CD200R1: variants seen among roughly 807,000 people sequenced by gnomAD.
CD200R1 encodes the protein CD200 receptor 1.
A neutral mutation model predicts 38.1 loss-of-function variants in CD200R1; 30 were observed. The ratio of observed to expected loss-of-function variants is 0.79; its 90% CI spans 0.59 to 1.07. The LOEUF (loss-of-function observed/expected upper bound fraction) is 1.07, where lower values mean the gene tolerates loss of function less well. Ranked by LOEUF, CD200R1 falls within the 50% of genes least tolerant of loss-of-function variation. The pLI is 0.00. For synonymous variants in CD200R1, 128 were observed against 152.1 expected, an observed-to-expected ratio of 0.84 and a Z score of 1.16; for missense variants, 372 against 415.4, an observed-to-expected ratio of 0.90 and a Z score of 0.91.
chr3:112,938,300 C>T (rs1373027342), intron 2 of CD200R1, among the ~76,000 whole-genome samples: 1 of 151,904 alleles, frequency 6.6e-6, no homozygotes, highest in African/African-American at 2.4e-5. Context: ...TAGTTTTTGC[C>T]CATTCAGTAT....
intron 1 of CD200R1, among the ~76,000 whole-genome samples, chr3:112,973,112 GA>G (rs1392869285): frequency 6.6e-6 from 1 of 152,158 alleles, no homozygotes; most frequent in Non-Finnish European, 1.5e-5. Flanking sequence ...CTTTAAAATT[GA>G]AAATTACAAA....
At chr3:112,926,846 T>G (rs568930973) in intron 5 of CD200R1, among the ~76,000 whole-genome samples, 1 of 151,502 alleles carries the variant, frequency 6.6e-6, no homozygotes, top group African/African-American at 2.4e-5. Flanking sequence ...GATTTCGAAC[T>G]GTTTTTAAGT....
intron 1 of CD200R1, among the ~76,000 whole-genome samples, chr3:112,954,202 T>C (rs1271755342): frequency 1.1e-4 from 17 of 152,150 alleles, no homozygotes; most frequent in Admixed American, 9.8e-4. Context: ...TTCAGGAGTA[T>C]GTTGTTTAAT....
At chr3:112,965,333 T>C (rs1013854520) in intron 1 of CD200R1, among the ~76,000 whole-genome samples, 1 of 151,476 alleles carries the variant, frequency 6.6e-6, no homozygotes, top group Non-Finnish European at 1.5e-5. Context: ...GGTAATGGAG[T>C]CAACAAATGT....
chr3:112,951,741 C>A (rs1038204052), intron 1 of CD200R1, among the ~76,000 whole-genome samples: 1 of 149,318 alleles, frequency 6.7e-6, no homozygotes, highest in Non-Finnish European at 1.5e-5. Context: ...TCTATACTAG[C>A]ACAAACAATT....
chr3:112,963,339 G>T (rs1933070512), intron 1 of CD200R1, among the ~76,000 whole-genome samples: 1 of 152,220 alleles, frequency 6.6e-6, no homozygotes, highest in African/African-American at 2.4e-5. Flanking sequence ...CTCAGAAGAA[G>T]AAAGGAAAAT....
chr3:112,953,845 A>G (rs943493157), intron 1 of CD200R1, among the ~76,000 whole-genome samples: 18 of 151,782 alleles, frequency 1.2e-4, no homozygotes, highest in Non-Finnish European at 2.2e-4. Context: ...TTTTTTCTCA[A>G]TTTATCAGCT....
chr3:112,943,987 T>A (rs1384548519), intron 2 of CD200R1, among the ~76,000 whole-genome samples: 1 of 151,858 alleles, frequency 6.6e-6, no homozygotes, highest in Non-Finnish European at 1.5e-5. Context: ...TTAAATAAAT[T>A]GAATCAATAA....
chr3:112,939,738 G>A (rs190883332), intron 2 of CD200R1, among the ~76,000 whole-genome samples: 1 of 151,282 alleles, frequency 6.6e-6, no homozygotes, highest in African/African-American at 2.4e-5. Flanking sequence ...CAGAATAAAT[G>A]TAATTACTAT....
rs993074318 is a variant in CD200R1 at position 112,928,913 on chromosome 3, C to T, written c.672G>A (p.Lys224=). The part of the protein sequence containing the change: ...EYWSNGTVTV[K]STCHWEVHNV... ...TGTGGACCTCCCAGTGGCATGTACT[C>T]TTAACAGTCACTGTGCCATTGCTCC... Residue 224 remains lysine (K), a synonymous_variant, in exon 5 of 8, where the codon AAG becomes AAA. Coordinates refer to ENST00000308611, the MANE Select transcript of CD200R1 (RefSeq NM_138806.4). 1.2e-6 allele frequency: 2 copies of T among 1,613,970 alleles called. No individual in the cohort carries two copies. The highest frequency in any genetic ancestry group is 2.7e-5 in the African/African-American group (2 of 75,056).
intron 5 of CD200R1, among the ~76,000 whole-genome samples, chr3:112,927,445 G>C (rs1266469402): frequency 6.6e-6 from 1 of 152,112 alleles, no homozygotes; most frequent in Non-Finnish European, 1.5e-5. Context: ...CTAACTAGTT[G>C]ACAAATCCAA....
intron 1 of CD200R1, 91 bp downstream of exon 1, chr3:112,974,700 T>C (rs757922736): frequency 4.4e-5 from 37 of 834,720 alleles, no homozygotes; most frequent in Non-Finnish European, 7.2e-5. Flanking sequence ...TGCAATTGAT[T>C]TGTATTGCCC....
chr3:112,926,866 A>G (rs1940291976), intron 5 of CD200R1, among the ~76,000 whole-genome samples: 1 of 152,106 alleles, frequency 6.6e-6, no homozygotes, highest in Admixed American at 6.6e-5. Context: ...TGAGAAATGA[A>G]TAGAAAACTC....
chr3:112,955,510 ATTT>A lies in CD200R1; in HGVS notation c.68-7589_68-7587del, dbSNP rs34465843. ...AAAGACCTTTTTGGTCTCTCTTCAC[ATTT>A]TTTTTTTTTTTTTGAGACGGAGTTT... is the stretch of plus-strand genomic sequence containing the variant. On this transcript the variant is annotated intron_variant, in intron 1 of 7. Coordinates refer to ENST00000308611, the MANE Select transcript of CD200R1 (RefSeq NM_138806.4). Among the ~76,000 whole-genome samples, 5 of 136,758 alleles carry A rather than the reference ATTT, an allele frequency of 3.7e-5. No individual in the cohort carries two copies. The East Asian group carries it at 6.3e-4, about 17-fold the overall frequency. The allele number at this position is 136,758 out of a possible 152,430, so 89.7% of individuals were successfully genotyped here. A position where few individuals can be genotyped will look rare whatever the true frequency, so the allele number is the denominator to read the frequency against.
intron 2 of CD200R1, among the ~76,000 whole-genome samples, chr3:112,938,974 C>T (rs879328110): frequency 2.6e-5 from 4 of 151,930 alleles, no homozygotes; most frequent in South Asian, 2.1e-4. Flanking sequence ...ATATGCAAAT[C>T]GATATTTGTG....
chr3:112,960,490 A>G (rs1347564883), intron 1 of CD200R1, among the ~76,000 whole-genome samples: 1 of 152,086 alleles, frequency 6.6e-6, no homozygotes, highest in Non-Finnish European at 1.5e-5. Context: ...AGTTATTTAT[A>G]TTAAGGAACA....
At chr3:112,949,196 G>A (rs948141539) in intron 1 of CD200R1, among the ~76,000 whole-genome samples, 31 of 152,244 alleles carry the variant, frequency 2.0e-4, no homozygotes, top group Middle Eastern at 3.2e-3. Flanking sequence ...TGTAATTGGA[G>A]TTGAGGCTGG....
intron 1 of CD200R1, among the ~76,000 whole-genome samples, chr3:112,974,137 A>G (rs1933376116): frequency 6.6e-6 from 1 of 152,196 alleles, no homozygotes; most frequent in African/African-American, 2.4e-5. Flanking sequence ...CTTAAAAAAA[A>G]AAATTAAGAG....
intron 1 of CD200R1, among the ~76,000 whole-genome samples, chr3:112,958,787 C>G (rs777009248): frequency 2.6e-5 from 4 of 152,068 alleles, no homozygotes; most frequent in Non-Finnish European, 5.9e-5. Flanking sequence ...TTAAAAAATA[C>G]TTCTATCTAA....
Sources: gnomAD v4.1 joint callset for allele counts (sites outside exome capture counted in the v4.1 genomes callset) on GRCh38, gnomAD v4.1.1 for gene constraint, MANE v1.5 for transcripts, NCBI Gene and HGNC (gene_info 2026-07-23, HGNC 2026-07-21) for gene names.